The following IL1RAPL1 variants were observed in gnomAD, a reference collection of about 807,000 sequenced individuals.
The protein encoded by IL1RAPL1 is interleukin 1 receptor accessory protein like 1.
In IL1RAPL1, 3 loss-of-function variants were observed where a neutral mutation model predicts 48.4. That is an observed-to-expected ratio of 0.06 (90% CI 0.03 to 0.16). The LOEUF (loss-of-function observed/expected upper bound fraction) is 0.16. IL1RAPL1 is among the 10% of genes least tolerant of loss of function. The probability of loss-of-function intolerance (pLI) is 1.00; values close to 1 mark genes in which losing one functional copy is unlikely to be tolerated. For synonymous variants in IL1RAPL1, 185 were observed against 187.7 expected, an observed-to-expected ratio of 0.99 and a Z score of 0.12; for missense variants, 349 against 530.6, an observed-to-expected ratio of 0.66 and a Z score of 3.36.
intron 1 of IL1RAPL1, among the ~76,000 whole-genome samples, chrX:28,610,910 C>T (rs1934139559): frequency 9.0e-6 from 1 of 111,522 alleles, no homozygotes; most frequent in Non-Finnish European, 1.9e-5. Context: ...GCAGAGTGAG[C>T]TCTTTGACAA....
At chrX:29,788,870 A>G (rs1304536506) in intron 6 of IL1RAPL1, among the ~76,000 whole-genome samples, 8 of 111,907 alleles carry the variant, frequency 7.1e-5, no homozygotes, top group Non-Finnish European at 1.5e-4. Context: ...GGTATGTTAA[A>G]GTTTGGATCA....
At chrX:28,857,324 T>C (rs1215186947) in intron 2 of IL1RAPL1, among the ~76,000 whole-genome samples, 2 of 112,233 alleles carry the variant, frequency 1.8e-5, no homozygotes, top group East Asian at 5.6e-4. Context: ...GGTAAAATTA[T>C]TGATGTTGGT....
At chrX:29,663,324 A>T (rs1456010390) in intron 5 of IL1RAPL1, among the ~76,000 whole-genome samples, 1 of 112,520 alleles carries the variant, frequency 8.9e-6, no homozygotes, top group Admixed American at 9.4e-5. Flanking sequence ...CAGCTGTATA[A>T]ATCTGTGAAT....
chrX:29,504,935 A>G (rs1393641100), intron 5 of IL1RAPL1, among the ~76,000 whole-genome samples: 1 of 111,145 alleles, frequency 9.0e-6, no homozygotes, highest in Non-Finnish European at 1.9e-5. Context: ...GTCTTCCTTT[A>G]TGGTTAAGTG....
At chrX:29,491,923 A>G (rs1010596411) in intron 5 of IL1RAPL1, among the ~76,000 whole-genome samples, 2 of 111,926 alleles carry the variant, frequency 1.8e-5, no homozygotes, top group African/African-American at 6.5e-5. Context: ...AGGTGTCACT[A>G]TAAAATCTTA....
Position 29,925,821 on chromosome X carries a change from T to C in IL1RAPL1, c.1057+5727T>C, listed in dbSNP as rs746519621. 2.4e-4 allele frequency among the ~76,000 whole-genome samples: 27 copies of C among 112,104 alleles called. No homozygotes were observed. In the South Asian group the frequency reaches 0.01, roughly 42 times the overall value. On this transcript the variant is annotated intron_variant, in intron 8 of 10. Coordinates refer to ENST00000378993, the MANE Select transcript of IL1RAPL1 (RefSeq NM_014271.4). ...TCCCAAAGTGGTGGGATTACAGGCA[T>C]GAGCCACTGTGCCCAACTCCCTGTG...
intron 5 of IL1RAPL1, among the ~76,000 whole-genome samples, chrX:29,453,431 C>T (rs1047744751): frequency 3.6e-5 from 4 of 111,504 alleles, no homozygotes; most frequent in Non-Finnish European, 5.7e-5. Flanking sequence ...CATACATAAT[C>T]GGATTTTTTA....
chrX:28,741,135 G>A (rs720857), intron 1 of IL1RAPL1, among the ~76,000 whole-genome samples: 4,094 of 111,701 alleles, frequency 0.037, 196 homozygotes, highest in African/African-American at 0.13. Context: ...CACAGTGGCT[G>A]AACTTATTTA....
chrX:28,720,919 AG>A (rs910210382), intron 1 of IL1RAPL1, among the ~76,000 whole-genome samples: 1 of 111,832 alleles, frequency 8.9e-6, no homozygotes, highest in Non-Finnish European at 1.9e-5. Context: ...GTCCCTGCAA[AG>A]GACATGAACT....
chrX:28,652,982 G>C (rs1934702431), intron 1 of IL1RAPL1, among the ~76,000 whole-genome samples: 1 of 111,231 alleles, frequency 9.0e-6, no homozygotes. Flanking sequence ...AGAGAAGTAT[G>C]TCACATTTAG....
chrX:29,716,992 T>C (rs1927501272), intron 6 of IL1RAPL1, among the ~76,000 whole-genome samples: 1 of 111,237 alleles, frequency 9.0e-6, no homozygotes, highest in Admixed American at 9.6e-5. Context: ...CTGTTGATTC[T>C]ATTTGCTATT....
intron 2 of IL1RAPL1, among the ~76,000 whole-genome samples, chrX:29,021,513 A>G (rs1200488691): frequency 9.0e-6 from 1 of 111,429 alleles, no homozygotes; most frequent in Non-Finnish European, 1.9e-5. Context: ...TAAAAGTTCC[A>G]TATGTATTTA....
intron 2 of IL1RAPL1, among the ~76,000 whole-genome samples, chrX:29,094,594 C>CT (rs1484587937): frequency 6.2e-5 from 3 of 48,294 alleles, no homozygotes; most frequent in East Asian, 6.3e-4. Context: ...TCTATCTCTA[C>CT]TTAAAAAAAA....
intron 1 of IL1RAPL1, among the ~76,000 whole-genome samples, chrX:28,640,727 A>G (rs969679344): frequency 3.6e-4 from 40 of 110,628 alleles, no homozygotes; most frequent in African/African-American, 1.3e-3. Flanking sequence ...GGAAATTAAA[A>G]AAAAAAAACT....
Position 29,156,515 on chromosome X carries a change from T to C in IL1RAPL1, c.83-126423T>C, listed in dbSNP as rs1268775854. On this transcript the variant is annotated intron_variant, in intron 2 of 10. Transcript: ENST00000378993. ...CAGTTCCCACAGCCATCTGGGTAGT[T>C]ATCTTTAGCGATTCCTTTCCCCCAT... 2.7e-5 allele frequency among the ~76,000 whole-genome samples: 3 copies of C among 111,949 alleles called. No individual in the cohort carries two copies. The South Asian group carries it at 1.1e-3, about 41-fold the overall frequency.
chrX:28,950,191 T>C (rs1169404388), intron 2 of IL1RAPL1, among the ~76,000 whole-genome samples: 5 of 89,472 alleles, frequency 5.6e-5, no homozygotes, highest in African/African-American at 1.3e-4. Flanking sequence ...ATTTATTAAA[T>C]AGGGAATCCT....
At chrX:29,430,773 A>G (rs1232868572) in intron 5 of IL1RAPL1, among the ~76,000 whole-genome samples, 2 of 110,489 alleles carry the variant, frequency 1.8e-5, no homozygotes, top group East Asian at 5.6e-4. Context: ...ATATAAACCT[A>G]TATTTTCATT....
At chrX:29,449,137 A>C (rs1277920080) in intron 5 of IL1RAPL1, among the ~76,000 whole-genome samples, 1 of 111,696 alleles carries the variant, frequency 9.0e-6, no homozygotes, top group African/African-American at 3.3e-5. Flanking sequence ...GAAAGGTACT[A>C]TTCTTCCCAT....
chrX:29,049,203 A>G (rs1350105883), intron 2 of IL1RAPL1, among the ~76,000 whole-genome samples: 3 of 112,258 alleles, frequency 2.7e-5, no homozygotes, highest in Admixed American at 9.5e-5. Context: ...AGACCGTTTT[A>G]TTGGCCTGAT....
Sources: allele counts gnomAD v4.1 joint callset (sites outside exome capture counted in the v4.1 genomes callset), GRCh38; gene constraint gnomAD v4.1.1; transcripts MANE v1.5; gene names NCBI Gene and HGNC (gene_info 2026-07-23, HGNC 2026-07-21).